PRKN: variants seen among roughly 807,000 people sequenced by gnomAD.
The protein encoded by PRKN is E3 ubiquitin-protein ligase parkin.
In PRKN, 56 loss-of-function variants were observed where a neutral mutation model predicts 59.5. The ratio of observed to expected loss-of-function variants is 0.94; its 90% CI spans 0.76 to 1.18. PRKN has a LOEUF of 1.18. Among genes scored for constraint, PRKN ranks in the 50% most tolerant of loss-of-function variants. PRKN has a pLI of 0.00. For missense variants in PRKN, 657 were observed against 596.4 expected, an observed-to-expected ratio of 1.10 and a Z score of -1.06; for synonymous variants, 250 against 222.1, an observed-to-expected ratio of 1.13 and a Z score of -1.12.
At chr6:162,636,635 G>A (rs1342531758) in intron 1 of PRKN, among the ~76,000 whole-genome samples, 1 of 152,200 alleles carries the variant, frequency 6.6e-6, no homozygotes, top group Non-Finnish European at 1.5e-5. Context: ...TGTGTAAACA[G>A]TGACACAAAA....
At chr6:162,055,229 A>G (rs1042683035) in intron 4 of PRKN, among the ~76,000 whole-genome samples, 8 of 152,178 alleles carry the variant, frequency 5.3e-5, no homozygotes, top group African/African-American at 1.7e-4. Flanking sequence ...GGCACAGGGG[A>G]TCAGGAGCAG....
At chr6:161,985,650 T>C (rs1301800748) in intron 5 of PRKN, among the ~76,000 whole-genome samples, 2 of 152,340 alleles carry the variant, frequency 1.3e-5, no homozygotes, top group East Asian at 3.9e-4. Flanking sequence ...TAATTAACAA[T>C]GGCAAACAAT....
intron 9 of PRKN, among the ~76,000 whole-genome samples, chr6:161,404,674 T>A (rs1787185366): frequency 6.6e-6 from 1 of 152,220 alleles, no homozygotes; most frequent in African/African-American, 2.4e-5. Flanking sequence ...TCAGAAAGAC[T>A]TTTCTGCAGG....
At chr6:162,164,423 G>A (rs1465487258) in intron 4 of PRKN, among the ~76,000 whole-genome samples, 1 of 148,302 alleles carries the variant, frequency 6.7e-6, no homozygotes. Flanking sequence ...TGTTGCCCAG[G>A]TTGGTCTCGA....
intron 4 of PRKN, among the ~76,000 whole-genome samples, chr6:162,167,054 T>C (rs1049218692): frequency 6.6e-6 from 1 of 152,184 alleles, no homozygotes; most frequent in East Asian, 1.9e-4. Context: ...GGGAATAGCA[T>C]GCATATGTCC....
intron 1 of PRKN, among the ~76,000 whole-genome samples, chr6:162,614,264 G>A (rs1336006515): frequency 6.6e-6 from 1 of 152,062 alleles, no homozygotes; most frequent in Non-Finnish European, 1.5e-5. Flanking sequence ...AGGGACTCAG[G>A]AGATGGCGGT....
At chr6:162,284,104 A>C (rs995854065) in intron 2 of PRKN, among the ~76,000 whole-genome samples, 2 of 152,000 alleles carry the variant, frequency 1.3e-5, no homozygotes, top group Admixed American at 6.6e-5. Flanking sequence ...GGAATAAAAC[A>C]GCTACTTCTT....
At chr6:161,607,305 G>A (rs956263529) in intron 7 of PRKN, among the ~76,000 whole-genome samples, 1 of 152,040 alleles carries the variant, frequency 6.6e-6, no homozygotes, top group Non-Finnish European at 1.5e-5. Context: ...TTTAAAAAAA[G>A]TATGAATGAA....
At chr6:161,756,944 A>C (rs373560960) in intron 7 of PRKN, among the ~76,000 whole-genome samples, 3 of 152,234 alleles carry the variant, frequency 2.0e-5, no homozygotes, top group African/African-American at 7.2e-5. Flanking sequence ...CCTCCAGTAC[A>C]TGGCCAACTG....
At position 162,111,649 on chromosome 6, in the gene PRKN, A is replaced by G. The variant is rs547258656; in HGVS notation, c.535-57475T>C. Among the ~76,000 whole-genome samples, 7 of 152,234 alleles carry G rather than the reference A, an allele frequency of 4.6e-5. No individual in the cohort carries two copies. The East Asian group carries it at 9.7e-4, about 21-fold the overall frequency. On this transcript the variant is annotated intron_variant, in intron 4 of 11. Coordinates refer to ENST00000366898, the MANE Select transcript of PRKN (RefSeq NM_004562.3). ...GTCAAAAGATAAAGAAATGGTGCATAGAGTAAATCACTGCGGTACTGTACT... is the reference window on the plus strand; with the variant it reads ...GTCAAAAGATAAAGAAATGGTGCATGGAGTAAATCACTGCGGTACTGTACT...
intron 2 of PRKN, among the ~76,000 whole-genome samples, chr6:162,351,662 G>T (rs979289000): frequency 6.6e-6 from 1 of 152,100 alleles, no homozygotes; most frequent in Non-Finnish European, 1.5e-5. Flanking sequence ...AAACCCAAAT[G>T]TCAGAACAGA....
intron 1 of PRKN, among the ~76,000 whole-genome samples, chr6:162,640,086 T>C (rs1777903948): frequency 6.6e-6 from 1 of 152,102 alleles, no homozygotes; most frequent in African/African-American, 2.4e-5. Flanking sequence ...AGGCCTCTGA[T>C]CTGGTAAGAA....
chr6:162,203,225 C>T (rs890222348), intron 3 of PRKN, among the ~76,000 whole-genome samples: 2 of 152,108 alleles, frequency 1.3e-5, no homozygotes, highest in South Asian at 2.1e-4. Context: ...TTTCCACCTC[C>T]GAATGCTACT....
chr6:162,692,996 T>C (rs1169691548), intron 1 of PRKN, among the ~76,000 whole-genome samples: 1 of 152,080 alleles, frequency 6.6e-6, no homozygotes, highest in African/African-American at 2.4e-5. Flanking sequence ...TAAATCAGCC[T>C]CCAGATTTCA....
intron 2 of PRKN, among the ~76,000 whole-genome samples, chr6:162,268,320 CT>C (rs1780225432): frequency 6.6e-6 from 1 of 152,088 alleles, no homozygotes; most frequent in African/African-American, 2.4e-5. Context: ...GATTAGTGCC[CT>C]TATAAGGCAG....
At chr6:161,667,244 C>A (rs903725053) in intron 7 of PRKN, among the ~76,000 whole-genome samples, 1 of 152,162 alleles carries the variant, frequency 6.6e-6, no homozygotes, top group Non-Finnish European at 1.5e-5. Context: ...CTCCACAGTT[C>A]CTAGCATGAC....
intron 4 of PRKN, among the ~76,000 whole-genome samples, chr6:162,084,050 T>C (rs1779162188): frequency 6.6e-6 from 1 of 152,056 alleles, no homozygotes; most frequent in Admixed American, 6.6e-5. Flanking sequence ...CTCATAAAAA[T>C]AGAAATTATA....
At position 161,353,643 on chromosome 6, in the gene PRKN, T is replaced by C. The variant is rs1784646633; in HGVS notation, c.1286-3432A>G. 6.6e-6 allele frequency among the ~76,000 whole-genome samples: 1 copy of C among 152,196 alleles called. No homozygotes were observed. Among genetic ancestry groups the C allele is most frequent in the Non-Finnish European group, 1.5e-5 (1 of 68,038 alleles). ...TCTGTATCTTTTGTAATATCCTTTA[T>C]AATAAACTGGTAAATGTGTTTCCCT... is the stretch of plus-strand genomic sequence containing the variant. On this transcript the variant is annotated intron_variant, in intron 11 of 11. Transcript: ENST00000366898. The surrounding 1 kb of genome is among the most constrained non-coding windows in gnomAD (Gnocchi z 4.8).
In PRKN at chr6:161,562,057, C is replaced by T. The variant is rs975002901; in HGVS notation, c.933+7298G>A. 2.6e-5 allele frequency among the ~76,000 whole-genome samples: 4 copies of T among 152,108 alleles called. No individual in the cohort carries two copies. Among genetic ancestry groups the T allele is most frequent in the Non-Finnish European group, 5.9e-5 (4 of 67,998 alleles). ...TCTGGAAGGCCCGCCTTCTCAGCTT[C>T]CCCAACACCATAAATCAGCATTCCT... is the stretch of plus-strand genomic sequence containing the variant. On this transcript the variant is annotated intron_variant, in intron 8 of 11. Coordinates refer to ENST00000366898, the MANE Select transcript of PRKN (RefSeq NM_004562.3). This position sits in a 1 kb window ranked among gnomAD's most constrained non-coding sequence, Gnocchi z 4.3.
Sources: allele counts gnomAD v4.1 joint callset (sites outside exome capture counted in the v4.1 genomes callset), GRCh38; gene constraint gnomAD v4.1.1; non-coding constraint Gnocchi (gnomAD v3.1); transcripts MANE v1.5; gene names NCBI Gene and HGNC (gene_info 2026-07-23, HGNC 2026-07-21).